Variants in SCPEP1 observed in about 807,000 individuals in gnomAD.
SCPEP1 encodes the protein serine carboxypeptidase 1.
In SCPEP1, 51 loss-of-function variants were observed where a neutral mutation model predicts 63.8. That is an observed-to-expected ratio of 0.80 (90% CI 0.64 to 1.01). SCPEP1 has a LOEUF of 1.01. Ranked by LOEUF, SCPEP1 falls within the 50% of genes least tolerant of loss-of-function variation. The pLI, the probability that SCPEP1 is intolerant of heterozygous loss-of-function variation, is 0.00. For missense variants in SCPEP1, 499 were observed against 554.9 expected (o/e 0.90, Z 1.01); for synonymous variants, 204 against 207.8 (o/e 0.98, Z 0.16).
intron 1 of SCPEP1, among the ~76,000 whole-genome samples, chr17:56,979,741 G>A (rs1378682897): frequency 6.6e-6 from 1 of 151,954 alleles, no homozygotes; most frequent in Non-Finnish European, 1.5e-5. Context: ...CATATTTGTT[G>A]TAGCTCTTTC....
intron 9 of SCPEP1, 51 bp from the exon 10 acceptor site, chr17:56,998,334 C>T (rs1911634556): frequency 3.4e-6 from 4 of 1,180,396 alleles, no homozygotes; most frequent in African/African-American, 3.1e-5. Flanking sequence ...AAGATGTCCT[C>T]TTGGCCTTAC....
chr17:56,997,043 C>A lies in SCPEP1; in HGVS notation c.868C>A (p.Gln290Lys), dbSNP rs1334893958. The change falls in exon 9 of 13, where the codon CAG (glutamine) becomes AAG (lysine). Residue 290 changes from glutamine to lysine, a missense_variant. Gln to Lys is a moderately conservative substitution (Grantham distance 53). Transcript: ENST00000262288. ...AATGGAGTCGAGTCTAGAATTCACA[C>A]AGAGCCACCTAGGTGAGTGAACCTT... ...STMESSLEFT[Q>K]SHLVCLCQRH... 1 of 1,600,396 alleles carries A rather than the reference C, an allele frequency of 6.2e-7. No individual in the cohort carries two copies. The highest frequency in any genetic ancestry group is 1.1e-5 in the South Asian group (1 of 89,300).
intron 10 of SCPEP1, 129 bp from the exon 11 acceptor site, chr17:57,000,726 C>A: frequency 9.2e-7 from 1 of 1,083,128 alleles, no homozygotes; most frequent in Non-Finnish European, 1.4e-6. Context: ...GCTGGTTCAT[C>A]CCTGTTTGTG....
At chr17:56,997,522 C>T (rs934269548) in intron 9 of SCPEP1, among the ~76,000 whole-genome samples, 9 of 152,172 alleles carry the variant, frequency 5.9e-5, no homozygotes, top group African/African-American at 2.2e-4. Context: ...CATATAAAGG[C>T]TGCAGGATAC....
chr17:56,991,583 G>A (rs187674127), intron 6 of SCPEP1, among the ~76,000 whole-genome samples: 32 of 152,244 alleles, frequency 2.1e-4, no homozygotes, highest in South Asian at 8.3e-4. Flanking sequence ...TAAAATTCCC[G>A]TCTGTTACGC....
chr17:56,990,561 GT>G (rs1911363180), intron 5 of SCPEP1, among the ~76,000 whole-genome samples: 1 of 152,100 alleles, frequency 6.6e-6, no homozygotes, highest in Admixed American at 6.5e-5. Flanking sequence ...ATACATACTG[GT>G]TTCAGCCTGC....
In SCPEP1 at chr17:56,991,138, G is replaced by T. The variant is rs200262137; in HGVS notation, c.586G>T (p.Val196Phe). The change falls in exon 6 of 13, where the codon GTT becomes TTT. Residue 196 changes from valine to phenylalanine, a missense_variant. By Grantham distance (50) the Val-to-Phe change is conservative. Coordinates refer to ENST00000262288, the MANE Select transcript of SCPEP1 (RefSeq NM_021626.3). ...RGTIKCNFAGVALGDSWISPV... is the reference protein window; with the variant it reads ...RGTIKCNFAGFALGDSWISPV... ...GACCATCAAGTGCAACTTTGCGGGG[G>T]TTGCCTTGGGTGATTCCTGGATCTC... 3 of 1,614,072 alleles carry T rather than the reference G, an allele frequency of 1.9e-6. No individual in the cohort carries two copies. Among genetic ancestry groups the T allele is most frequent in the East Asian group, 2.2e-5 (1 of 44,876 alleles).
At chr17:56,981,326 G>A in intron 2 of SCPEP1, 96 bp downstream of exon 2, 1 of 1,414,098 alleles carries the variant, frequency 7.1e-7, no homozygotes, top group Non-Finnish European at 9.8e-7. Context: ...GCAGTGAAGG[G>A]CGGATTTGGT....
At chr17:56,980,351 G>A (rs945281920) in intron 1 of SCPEP1, among the ~76,000 whole-genome samples, 1 of 152,182 alleles carries the variant, frequency 6.6e-6, no homozygotes, top group East Asian at 1.9e-4. Context: ...CTATGCACAA[G>A]CTATCAGCCT....
At chr17:56,979,999 A>T (rs1160590960) in intron 1 of SCPEP1, among the ~76,000 whole-genome samples, 1 of 151,992 alleles carries the variant, frequency 6.6e-6, no homozygotes, top group East Asian at 1.9e-4. Flanking sequence ...GAGGACCTAA[A>T]TTTCTCTTTT....
Position 56,998,525 on chromosome 17 carries a change from G to A in SCPEP1, c.994+27G>A, listed in dbSNP as rs191644433. The A allele has an allele frequency of 1.4e-4, 211 of 1,525,140 alleles. 1 individual carries two copies. The highest frequency in any genetic ancestry group is 5.6e-4 in the East Asian group (25 of 44,424). 94.5% of individuals were successfully genotyped at this position (1,525,140 alleles called of 1,614,324 possible). On this transcript the variant is annotated intron_variant, in intron 10 of 12. Transcript: ENST00000262288. ...TACTTATATGACCTAATTAAGTGCC[G>A]TTTGTACAGTTATGGGGAGAAAAGA...
intron 1 of SCPEP1, 100 bp downstream of exon 1, chr17:56,978,335 C>T: frequency 7.4e-7 from 1 of 1,351,176 alleles, no homozygotes; most frequent in African/African-American, 1.5e-5. Context: ...TGTCTCTTTT[C>T]CCCGGTTCTT....
At chr17:56,992,102 C>T (rs970904846) in intron 6 of SCPEP1, among the ~76,000 whole-genome samples, 1 of 152,188 alleles carries the variant, frequency 6.6e-6, no homozygotes, top group Admixed American at 6.5e-5. Context: ...GTTACACGGG[C>T]ATATGCATTC....
intron 3 of SCPEP1, among the ~76,000 whole-genome samples, chr17:56,986,138 C>T (rs1911209673): frequency 6.6e-6 from 1 of 152,142 alleles, no homozygotes; most frequent in East Asian, 1.9e-4. Flanking sequence ...CTCCCGGCTG[C>T]ACCTATTGCT....
chr17:56,978,607 AAAGT>A (rs1187309932), intron 1 of SCPEP1, among the ~76,000 whole-genome samples: 1 of 152,106 alleles, frequency 6.6e-6, no homozygotes, highest in Non-Finnish European at 1.5e-5. Context: ...TCTGCGGTCA[AAAGT>A]ACCCTTACAT....
chr17:56,981,634 G>C (rs538762360), intron 2 of SCPEP1, among the ~76,000 whole-genome samples: 6 of 152,108 alleles, frequency 3.9e-5, no homozygotes, highest in Non-Finnish European at 8.8e-5. Flanking sequence ...GGCCGACATA[G>C]TGAAACGCTG....
chr17:57,004,599 C>T (rs1486984232), intron 12 of SCPEP1, among the ~76,000 whole-genome samples: 2 of 152,072 alleles, frequency 1.3e-5, no homozygotes, highest in Non-Finnish European at 2.9e-5. Flanking sequence ...GGAATATTTG[C>T]ATATCCATAA....
intron 12 of SCPEP1, among the ~76,000 whole-genome samples, chr17:57,005,515 G>A (rs1048732392): frequency 6.6e-6 from 1 of 152,094 alleles, no homozygotes; most frequent in African/African-American, 2.4e-5. Flanking sequence ...GTCAAGGATG[G>A]GTGTGCCATA....
At chr17:56,981,058 A>C in intron 1 of SCPEP1, 24 bp from the exon 2 acceptor site, 4 of 1,613,796 alleles carry the variant, frequency 2.5e-6, no homozygotes, top group Non-Finnish European at 3.4e-6. Flanking sequence ...TCTTCTGGAG[A>C]GTGAAATTGA....
Sources: gnomAD v4.1 joint callset for allele counts (sites outside exome capture counted in the v4.1 genomes callset) on GRCh38, gnomAD v4.1.1 for gene constraint, MANE v1.5 for transcripts, NCBI Gene and HGNC (gene_info 2026-07-23, HGNC 2026-07-21) for gene names.